CSMD1: variants seen among roughly 807,000 people sequenced by gnomAD.
The protein encoded by CSMD1 is CUB and sushi domain-containing protein 1.
Under a neutral mutation model 417.5 loss-of-function variants are expected in CSMD1, and 213 were observed. The ratio of observed to expected loss-of-function variants is 0.51; its 90% CI spans 0.46 to 0.57. The LOEUF is 0.57. CSMD1 is among the 20% of genes least tolerant of loss of function. The pLI is 0.00. For synonymous variants in CSMD1, 2,862 were observed against 1,736.8 expected (o/e 1.65, Z -16.11); for missense variants, 6,923 against 4,529.7 (o/e 1.53, Z -15.17).
intron 7 of CSMD1, among the ~76,000 whole-genome samples, chr8:3,661,590 G>T (rs140155291): frequency 2.0e-5 from 3 of 151,920 alleles, no homozygotes; most frequent in Non-Finnish European, 4.4e-5. Context: ...TCCACCTCCC[G>T]GGTTCAAGTG....
chr8:4,508,678 G>T (rs1338567061), intron 2 of CSMD1, among the ~76,000 whole-genome samples: 1 of 152,090 alleles, frequency 6.6e-6, no homozygotes, highest in Non-Finnish European at 1.5e-5. Context: ...TGATAACAAG[G>T]CAGCTGGTAG....
At chr8:3,710,748 C>T (rs552163057) in intron 6 of CSMD1, among the ~76,000 whole-genome samples, 1 of 152,286 alleles carries the variant, frequency 6.6e-6, no homozygotes, top group African/African-American at 2.4e-5. Flanking sequence ...CTTCCAAAAG[C>T]CATCTGAGAT....
intron 3 of CSMD1, among the ~76,000 whole-genome samples, chr8:4,278,863 G>A (rs1796630246): frequency 6.6e-6 from 1 of 152,078 alleles, no homozygotes; most frequent in Admixed American, 6.6e-5. Context: ...ATTCTCAATT[G>A]CAGTATGTAT....
At chr8:4,117,128 T>G (rs1454971712) in intron 3 of CSMD1, among the ~76,000 whole-genome samples, 1 of 151,880 alleles carries the variant, frequency 6.6e-6, no homozygotes, top group Non-Finnish European at 1.5e-5. Context: ...GCTGCCACAT[T>G]CTAGCCAAGG....
intron 2 of CSMD1, among the ~76,000 whole-genome samples, chr8:4,430,464 A>T (rs941811347): frequency 6.6e-6 from 1 of 152,124 alleles, no homozygotes. Context: ...GGTTATGGTG[A>T]TTTAATAGAC....
chr8:3,508,197 G>T (rs183792518), intron 10 of CSMD1, among the ~76,000 whole-genome samples: 19 of 152,212 alleles, frequency 1.2e-4, no homozygotes, highest in Non-Finnish European at 1.3e-4. Context: ...TGTCTCTTTG[G>T]TTGTCTAGAA....
At chr8:3,747,950 T>G (rs1257038526) in intron 6 of CSMD1, among the ~76,000 whole-genome samples, 1 of 152,140 alleles carries the variant, frequency 6.6e-6, no homozygotes, top group Admixed American at 6.5e-5. Context: ...GTCCCACTTT[T>G]CTTCCGTTTG....
chr8:4,556,883 C>G (rs1798119815), intron 2 of CSMD1, among the ~76,000 whole-genome samples: 4 of 152,162 alleles, frequency 2.6e-5, no homozygotes, highest in South Asian at 2.1e-4. Flanking sequence ...ATTCCAAACT[C>G]CCTGCAAAAT....
At chr8:4,540,938 T>G (rs1457015827) in intron 2 of CSMD1, among the ~76,000 whole-genome samples, 1 of 152,188 alleles carries the variant, frequency 6.6e-6, no homozygotes, top group African/African-American at 2.4e-5. Context: ...ACTGAACAGC[T>G]ATGATTCTTG....
chr8:4,724,708 G>A (rs1686510037), intron 1 of CSMD1, among the ~76,000 whole-genome samples: 1 of 152,074 alleles, frequency 6.6e-6, no homozygotes, highest in Non-Finnish European at 1.5e-5. Context: ...TCTAAAAGAT[G>A]TATCTTGGTA....
Position 3,201,669 on chromosome 8 carries a change from A to C in CSMD1, c.5041T>G (p.Phe1681Val). The change falls in exon 32 of 70, where the codon TTT (phenylalanine) becomes GTT (valine). Residue 1681 changes from phenylalanine to valine, a missense_variant. By Grantham distance (50) the Phe-to-Val change is conservative. Transcript: ENST00000635120. ...QTALNDLAEL[F>V]DGTHAQARLL... ...CTGGCCTGTGCATGGGTTCCATCAA[A>C]TAATTCTGCCAAATCATTCAGGGCT... 6.2e-7 allele frequency: 1 copy of C among 1,607,238 alleles called. No homozygotes were observed. Among genetic ancestry groups the C allele is most frequent in the Middle Eastern group, 1.7e-4 (1 of 6,052 alleles).
At chr8:4,989,783 T>G (rs13275884) in intron 1 of CSMD1, among the ~76,000 whole-genome samples, 35,539 of 152,246 alleles carry the variant, frequency 0.23, 5,228 homozygotes, top group Non-Finnish European at 0.33. Flanking sequence ...ACGTCTTCAC[T>G]GGGTTTGCTG....
At chr8:3,381,732 A>G (rs906390619) in intron 18 of CSMD1, among the ~76,000 whole-genome samples, 3 of 152,212 alleles carry the variant, frequency 2.0e-5, no homozygotes, top group Non-Finnish European at 4.4e-5. Flanking sequence ...ACTCAGTAAC[A>G]TAAATTCAAA....
chr8:4,605,446 G>C (rs1800815597), intron 2 of CSMD1, among the ~76,000 whole-genome samples: 1 of 152,124 alleles, frequency 6.6e-6, no homozygotes, highest in Non-Finnish European at 1.5e-5. Context: ...ATGGTCCCCA[G>C]AATTATCCTG....
intron 33 of CSMD1, among the ~76,000 whole-genome samples, chr8:3,195,411 A>C (rs139842381): frequency 2.0e-5 from 3 of 152,232 alleles, no homozygotes; most frequent in Non-Finnish European, 2.9e-5. Flanking sequence ...AGGCCAAAGC[A>C]AAGTCTCTAA....
chr8:4,212,476 A>C (rs1049097535), intron 3 of CSMD1, among the ~76,000 whole-genome samples: 3 of 152,074 alleles, frequency 2.0e-5, no homozygotes, highest in Non-Finnish European at 2.9e-5. Flanking sequence ...GTCCTTTCAG[A>C]CTGGCAGATG....
At chr8:4,803,043 T>G (rs966527883) in intron 1 of CSMD1, among the ~76,000 whole-genome samples, 1 of 152,300 alleles carries the variant, frequency 6.6e-6, no homozygotes, top group Non-Finnish European at 1.5e-5. Flanking sequence ...GTGCCATTTC[T>G]AATTCAATAA....
At chr8:3,869,623 C>A (rs1006519521) in intron 5 of CSMD1, among the ~76,000 whole-genome samples, 6 of 152,086 alleles carry the variant, frequency 3.9e-5, no homozygotes, top group African/African-American at 1.4e-4. Context: ...ACTTTCTCAC[C>A]GCTGAGCTAA....
intron 1 of CSMD1, among the ~76,000 whole-genome samples, chr8:4,826,414 G>C (rs148490144): frequency 6.6e-6 from 1 of 152,136 alleles, no homozygotes; most frequent in Non-Finnish European, 1.5e-5. Context: ...GAGCCTGGAG[G>C]GCATTGCGCT....
Sources: gnomAD v4.1 joint callset for allele counts (sites outside exome capture counted in the v4.1 genomes callset) on GRCh38, gnomAD v4.1.1 for gene constraint, MANE v1.5 for transcripts, NCBI Gene and HGNC (gene_info 2026-07-23, HGNC 2026-07-21) for gene names.